The following C6 variants were observed in gnomAD, a reference collection of about 807,000 sequenced individuals.
The protein encoded by C6 is complement C6.
A neutral mutation model predicts 112.9 loss-of-function variants in C6; 101 were observed. The ratio of observed to expected loss-of-function variants is 0.89; its 90% CI spans 0.76 to 1.06. The LOEUF is 1.06. Ranked by LOEUF, C6 falls within the 50% of genes least tolerant of loss-of-function variation. The pLI, the probability that C6 is intolerant of heterozygous loss-of-function variation, is 0.00. For missense variants in C6, 1,202 were observed against 1,104.6 expected (o/e 1.09, Z -1.25); for synonymous variants, 431 against 384.1 (o/e 1.12, Z -1.43).
chr5:41,159,239 G>C lies in C6; in HGVS notation c.1699C>G (p.Gln567Glu), dbSNP rs1214693815. The C allele has an allele frequency of 6.2e-7, 1 of 1,613,132 alleles. No homozygotes were observed. The highest frequency in any genetic ancestry group is 8.5e-7 in the Non-Finnish European group (1 of 1,179,556). The change falls in exon 12 of 18, where the codon CAG becomes GAG. Residue 567 changes from glutamine to glutamate, a missense_variant. Coordinates refer to ENST00000337836, the MANE Select transcript of C6 (RefSeq NM_000065.5). ...PDYKSNAVDG[Q>E]WGCWSSWSTC... is the part of the protein sequence containing the mutation. ...CTCCAGGAAGACCAACAACCCCACT[G>C]TCCGTCTACTGCATCTGGAACAAAG...
chr5:41,224,533 T>G (rs955250554), intron 1 of C6, among the ~76,000 whole-genome samples: 3 of 152,178 alleles, frequency 2.0e-5, no homozygotes, highest in African/African-American at 4.8e-5. Context: ...ATTCTTTGAC[T>G]AAGTGCGTTT....
At chr5:41,200,372 A>T (rs1453012016) in intron 3 of C6, among the ~76,000 whole-genome samples, 1 of 152,200 alleles carries the variant, frequency 6.6e-6, no homozygotes. Flanking sequence ...CTTTAAAAAG[A>T]TTTTAAATGG....
At chr5:41,245,891 A>C (rs1315191610) in intron 1 of C6, among the ~76,000 whole-genome samples, 1 of 152,122 alleles carries the variant, frequency 6.6e-6, no homozygotes, top group East Asian at 1.9e-4. Context: ...TTGACCTATG[A>C]TTTTCCTTTT....
chr5:41,240,442 G>A (rs1377897111), intron 1 of C6, among the ~76,000 whole-genome samples: 1 of 152,148 alleles, frequency 6.6e-6, no homozygotes, highest in Non-Finnish European at 1.5e-5. Flanking sequence ...CCGCTGAGCA[G>A]CATGCATAGT....
chr5:41,151,207 T>A (rs539968964), intron 15 of C6, among the ~76,000 whole-genome samples: 51 of 152,278 alleles, frequency 3.3e-4, no homozygotes, highest in Non-Finnish European at 1.0e-4. Flanking sequence ...AGGGAGCTAA[T>A]CTATGAGGTT....
chr5:41,232,348 T>C (rs1174761880), intron 1 of C6, among the ~76,000 whole-genome samples: 2 of 152,116 alleles, frequency 1.3e-5, no homozygotes, highest in African/African-American at 4.8e-5. Flanking sequence ...CTGTGCTAAA[T>C]CTTTTGGCCT....
intron 1 of C6, among the ~76,000 whole-genome samples, chr5:41,226,146 A>C (rs944890093): frequency 6.6e-6 from 1 of 152,210 alleles, no homozygotes; most frequent in Non-Finnish European, 1.5e-5. Context: ...AAAAGAAACC[A>C]TCATCAGAGT....
chr5:41,233,016 T>C (rs1250132096), intron 1 of C6, among the ~76,000 whole-genome samples: 1 of 152,130 alleles, frequency 6.6e-6, no homozygotes, highest in African/African-American at 2.4e-5. Flanking sequence ...TTTGTATGCA[T>C]ATATTTTCAA....
chr5:41,178,681 G>A (rs1260143961), intron 7 of C6, among the ~76,000 whole-genome samples: 6 of 151,518 alleles, frequency 4.0e-5, no homozygotes, highest in Non-Finnish European at 7.4e-5. Flanking sequence ...TCACCATGTT[G>A]GTCAGGCTGG....
intron 17 of C6, among the ~76,000 whole-genome samples, chr5:41,143,652 G>T (rs1463332251): frequency 6.6e-6 from 1 of 152,116 alleles, no homozygotes; most frequent in African/African-American, 2.4e-5. Context: ...TAAGCCCTTT[G>T]CGCATTGCCA....
At chr5:41,242,546 A>T (rs896666054) in intron 1 of C6, among the ~76,000 whole-genome samples, 3 of 152,204 alleles carry the variant, frequency 2.0e-5, no homozygotes. Context: ...TACATTTTAG[A>T]ATACATCTGA....
intron 1 of C6, among the ~76,000 whole-genome samples, chr5:41,246,783 A>G (rs1580253579): frequency 6.6e-6 from 1 of 152,240 alleles, no homozygotes. Context: ...AAGACAAACA[A>G]ACTTACTTGA....
At chr5:41,196,605 T>A (rs1396920931) in intron 4 of C6, among the ~76,000 whole-genome samples, 1 of 151,568 alleles carries the variant, frequency 6.6e-6, no homozygotes, top group Non-Finnish European at 1.5e-5. Flanking sequence ...TAGAATTGCA[T>A]ATTTTACTAT....
In C6 at chr5:41,227,860, G is replaced by C. The variant is rs141385409; in HGVS notation, c.-20-24610C>G. Reference sequence around the variant, plus strand: ...TTTTTATGCTTGTGCCATTCTGTTTGAAATACTATTACTTTGTAGTGTATT... The same window carrying C: ...TTTTTATGCTTGTGCCATTCTGTTTCAAATACTATTACTTTGTAGTGTATT... On this transcript the variant is annotated intron_variant, in intron 1 of 17. Transcript: ENST00000263413. Among the ~76,000 whole-genome samples, 191 of 152,122 alleles carry C rather than the reference G, an allele frequency of 1.3e-3. 2 individuals are homozygous for C. The highest frequency in any genetic ancestry group is 4.1e-3 in the African/African-American group (170 of 41,536).
chr5:41,198,376 T>C (rs1008916707), intron 4 of C6, among the ~76,000 whole-genome samples: 1 of 152,146 alleles, frequency 6.6e-6, no homozygotes, highest in Non-Finnish European at 1.5e-5. Context: ...CAATGGAATA[T>C]TTAACAACCA....
intron 1 of C6, among the ~76,000 whole-genome samples, chr5:41,221,542 G>A (rs892712592): frequency 1.6e-4 from 25 of 152,120 alleles, no homozygotes; most frequent in African/African-American, 6.0e-4. Context: ...GCAAGTAGAT[G>A]GCTTTCTTTC....
chr5:41,238,825 A>C (rs182514537), intron 1 of C6, among the ~76,000 whole-genome samples: 2 of 152,302 alleles, frequency 1.3e-5, no homozygotes, highest in African/African-American at 4.8e-5. Context: ...TAAAATTATT[A>C]GAATATGGTG....
intron 4 of C6, among the ~76,000 whole-genome samples, chr5:41,198,875 T>C (rs2150360313): frequency 6.6e-6 from 1 of 152,276 alleles, no homozygotes. Flanking sequence ...AATGATCAGG[T>C]CTGTATTACC....
intron 1 of C6, among the ~76,000 whole-genome samples, chr5:41,242,244 G>C (rs1740757287): frequency 6.6e-6 from 1 of 152,098 alleles, no homozygotes; most frequent in African/African-American, 2.4e-5. Flanking sequence ...CATGGGGGCG[G>C]TTTCCCCCAT....
Sources: gnomAD v4.1 joint callset for allele counts (sites outside exome capture counted in the v4.1 genomes callset) on GRCh38, gnomAD v4.1.1 for gene constraint, MANE v1.5 for transcripts, NCBI Gene and HGNC (gene_info 2026-07-23, HGNC 2026-07-21) for gene names.